Variants in CHRM3 observed in about 807,000 individuals in gnomAD.
CHRM3 encodes the protein cholinergic receptor muscarinic 3, also known as muscarinic acetylcholine receptor M3.
CHRM3 carries 11 observed loss-of-function variants against 41.8 expected under a neutral mutation model. That is an observed-to-expected ratio of 0.26 (90% CI 0.17 to 0.44). The LOEUF is 0.44. Ranked by LOEUF, CHRM3 falls within the 20% of genes least tolerant of loss-of-function variation. The pLI, the probability that CHRM3 is intolerant of heterozygous loss-of-function variation, is 1.00. For missense variants in CHRM3, 571 were observed against 745.4 expected (o/e 0.77, Z 2.72); for synonymous variants, 297 against 301.4 (o/e 0.99, Z 0.15).
chr1:239,498,157 A>G (rs1474349085), intron 2 of CHRM3, among the ~76,000 whole-genome samples: 1 of 152,184 alleles, frequency 6.6e-6, no homozygotes, highest in Non-Finnish European at 1.5e-5. Flanking sequence ...TTTAGGAATT[A>G]TATATTTGCT....
chr1:239,492,414 G>A (rs1445912796), intron 1 of CHRM3, among the ~76,000 whole-genome samples: 1 of 152,142 alleles, frequency 6.6e-6, no homozygotes, highest in Non-Finnish European at 1.5e-5. Context: ...AGCCTTCATG[G>A]CAAAGGAAAC....
intron 5 of CHRM3, among the ~76,000 whole-genome samples, chr1:239,728,453 C>A (rs944588687): frequency 1.3e-5 from 2 of 151,958 alleles, no homozygotes; most frequent in Non-Finnish European, 2.9e-5. Context: ...CATCAATATT[C>A]CTACTTAGTT....
chr1:239,616,056 T>A (rs1667595094), intron 3 of CHRM3, among the ~76,000 whole-genome samples: 1 of 152,172 alleles, frequency 6.6e-6, no homozygotes. Context: ...TAGGAACAGT[T>A]TGGAAAATAA....
intron 2 of CHRM3, among the ~76,000 whole-genome samples, chr1:239,516,997 C>T (rs1000724731): frequency 7.0e-6 from 1 of 142,832 alleles, no homozygotes; most frequent in Non-Finnish European, 1.6e-5. Context: ...AGGGTCAGGG[C>T]TCCCACTGAT....
At chr1:239,428,188 G>A (rs1662547224) in intron 1 of CHRM3, among the ~76,000 whole-genome samples, 1 of 152,172 alleles carries the variant, frequency 6.6e-6, no homozygotes, top group Non-Finnish European at 1.5e-5. Flanking sequence ...TCCAAGGAAG[G>A]GAGGCAGTGA....
intron 6 of CHRM3, among the ~76,000 whole-genome samples, chr1:239,844,835 G>A (rs1674130000): frequency 2.0e-5 from 3 of 152,134 alleles, no homozygotes; most frequent in Admixed American, 6.6e-5. Flanking sequence ...TTAAAGCCCA[G>A]GCTCCCAACC....
intron 5 of CHRM3, among the ~76,000 whole-genome samples, chr1:239,742,382 G>A (rs555017993): frequency 6.6e-6 from 1 of 152,254 alleles, no homozygotes; most frequent in African/African-American, 2.4e-5. Flanking sequence ...TCACTTGGAG[G>A]TTCAACCGGA....
intron 1 of CHRM3, among the ~76,000 whole-genome samples, chr1:239,424,394 T>C (rs1662207413): frequency 6.8e-6 from 1 of 147,708 alleles, no homozygotes; most frequent in Admixed American, 6.9e-5. Flanking sequence ...TCTGCATTTG[T>C]GGTGGGGGTG....
chr1:239,826,604 G>A (rs373902222), intron 5 of CHRM3, among the ~76,000 whole-genome samples: 4 of 152,052 alleles, frequency 2.6e-5, no homozygotes, highest in African/African-American at 4.8e-5. Flanking sequence ...GAAAAGTATC[G>A]GGAAAAGTAA....
intron 5 of CHRM3, among the ~76,000 whole-genome samples, chr1:239,822,442 C>T (rs897613733): frequency 2.0e-5 from 3 of 152,240 alleles, no homozygotes; most frequent in Admixed American, 2.0e-4. Flanking sequence ...ACCAGAACAT[C>T]CAAAGGTGGA....
At chr1:239,512,863 G>C (rs370843089) in intron 2 of CHRM3, among the ~76,000 whole-genome samples, 5 of 151,786 alleles carry the variant, frequency 3.3e-5, no homozygotes, top group Non-Finnish European at 7.4e-5. Flanking sequence ...CAGAGTGGCC[G>C]ATGGCCCAGG....
chr1:239,598,780 A>G (rs1665122367), intron 3 of CHRM3, among the ~76,000 whole-genome samples: 1 of 152,120 alleles, frequency 6.6e-6, no homozygotes, highest in Non-Finnish European at 1.5e-5. Flanking sequence ...AAAATGGAGA[A>G]TGCTTTTTCC....
rs536921086 is a variant in CHRM3, at chr1:239,580,769, AAT to A, written c.-313+35032_-313+35033del. On this transcript the variant is annotated intron_variant, in intron 3 of 6. Coordinates refer to ENST00000676153, the MANE Select transcript of CHRM3 (RefSeq NM_001375978.1). ...TATATACAGTGTGTGTATATATGTA[AAT>A]ATATATATATAAATACATTATATAT... 3.0e-3 allele frequency among the ~76,000 whole-genome samples: 427 copies of A among 142,522 alleles called. 4 individuals are homozygous for A. Among genetic ancestry groups the A allele is most frequent in the Non-Finnish European group, 5.0e-3 (329 of 65,182 alleles). The allele number at this position is 142,522 out of a possible 152,430, so 93.5% of individuals were successfully genotyped here.
intron 6 of CHRM3, among the ~76,000 whole-genome samples, chr1:239,889,352 T>C (rs950333496): frequency 4.6e-5 from 7 of 152,162 alleles, no homozygotes; most frequent in African/African-American, 1.7e-4. Context: ...AAGTAGGTTT[T>C]CTGCCTGACC....
chr1:239,696,596 G>T (rs1660213442), intron 5 of CHRM3, among the ~76,000 whole-genome samples: 1 of 152,150 alleles, frequency 6.6e-6, no homozygotes, highest in Non-Finnish European at 1.5e-5. Context: ...CTACAGATGA[G>T]CCTGACAGGT....
chr1:239,521,395 CCTT>C (rs1669629753), intron 2 of CHRM3, among the ~76,000 whole-genome samples: 1 of 152,176 alleles, frequency 6.6e-6, no homozygotes, highest in African/African-American at 2.4e-5. Flanking sequence ...GGACAATAGA[CCTT>C]CTTCATTCTC....
intron 4 of CHRM3, among the ~76,000 whole-genome samples, chr1:239,650,963 T>C (rs563811592): frequency 4.6e-5 from 7 of 152,336 alleles, no homozygotes; most frequent in African/African-American, 1.7e-4. Context: ...TGTAAATATA[T>C]GTAAATTTGT....
At chr1:239,508,374 T>C (rs1223761879) in intron 2 of CHRM3, among the ~76,000 whole-genome samples, 3 of 152,188 alleles carry the variant, frequency 2.0e-5, no homozygotes, top group African/African-American at 7.2e-5. Context: ...ATAATATGTT[T>C]AAGTGCCAAA....
At chr1:239,695,308 C>T (rs1023269382) in intron 5 of CHRM3, among the ~76,000 whole-genome samples, 1 of 152,074 alleles carries the variant, frequency 6.6e-6, no homozygotes, top group African/African-American at 2.4e-5. Flanking sequence ...CTGTGCCCGG[C>T]CATACAATTT....
Sources: allele counts gnomAD v4.1 joint callset (sites outside exome capture counted in the v4.1 genomes callset), GRCh38; gene constraint gnomAD v4.1.1; transcripts MANE v1.5; gene names NCBI Gene and HGNC (gene_info 2026-07-23, HGNC 2026-07-21).